Variants in DLG2 observed in about 807,000 individuals in gnomAD.
DLG2 encodes disks large homolog 2.
A neutral mutation model predicts 132.5 loss-of-function variants in DLG2; 45 were observed. That is an observed-to-expected ratio of 0.34 (90% CI 0.27 to 0.44). The LOEUF is 0.44. Among genes scored for constraint, DLG2 ranks in the 20% least tolerant of loss-of-function variants. The probability of loss-of-function intolerance (pLI) is 1.00; values close to 1 mark genes in which losing one functional copy is unlikely to be tolerated. For synonymous variants in DLG2, 424 were observed against 419.6 expected (o/e 1.01, Z -0.13); for missense variants, 1,045 against 1,196.9 (o/e 0.87, Z 1.87).
At chr11:84,919,103 C>G (rs999433709) in intron 6 of DLG2, among the ~76,000 whole-genome samples, 4 of 152,016 alleles carry the variant, frequency 2.6e-5, no homozygotes, top group Non-Finnish European at 5.9e-5. Flanking sequence ...TTTAATTGAG[C>G]CCAATTTCTA....
At chr11:84,691,731 T>G (rs983635130) in intron 6 of DLG2, among the ~76,000 whole-genome samples, 10 of 151,786 alleles carry the variant, frequency 6.6e-5, no homozygotes, top group African/African-American at 2.4e-4. Context: ...TACTTTTAGA[T>G]GTACAGCACT....
At chr11:83,841,282 T>C (rs2154018053) in intron 16 of DLG2, among the ~76,000 whole-genome samples, 1 of 152,312 alleles carries the variant, frequency 6.6e-6, no homozygotes, top group East Asian at 1.9e-4. Flanking sequence ...ACTAGAATGA[T>C]TTGGGGACTC....
intron 6 of DLG2, among the ~76,000 whole-genome samples, chr11:85,039,704 TAA>T (rs35111618): frequency 1.3e-5 from 2 of 151,046 alleles, no homozygotes; most frequent in Admixed American, 1.3e-4. Flanking sequence ...CAAAAATGGA[TAA>T]AAAAAAAGTA....
chr11:83,532,476 C>T (rs550158137), intron 21 of DLG2, among the ~76,000 whole-genome samples: 2 of 152,226 alleles, frequency 1.3e-5, no homozygotes, highest in African/African-American at 4.8e-5. Context: ...TCACCTTCAT[C>T]AACACACTGC....
intron 8 of DLG2, among the ~76,000 whole-genome samples, chr11:84,211,189 A>G (rs533538028): frequency 1.8e-4 from 27 of 152,190 alleles, no homozygotes; most frequent in South Asian, 4.1e-4. Flanking sequence ...TCCTGATTGC[A>G]ATTAAGCCCT....
chr11:84,668,839 C>A (rs558550227), intron 6 of DLG2, among the ~76,000 whole-genome samples: 3 of 151,938 alleles, frequency 2.0e-5, no homozygotes, highest in Non-Finnish European at 4.4e-5. Flanking sequence ...CATTTTCATG[C>A]GAAGAAGACA....
chr11:85,213,724 G>A (rs1232460757), intron 4 of DLG2, among the ~76,000 whole-genome samples: 1 of 152,068 alleles, frequency 6.6e-6, no homozygotes, highest in Non-Finnish European at 1.5e-5. Flanking sequence ...TTGATTTCTA[G>A]GAGATTCTAC....
At chr11:84,706,663 T>C (rs763259170) in intron 6 of DLG2, among the ~76,000 whole-genome samples, 6 of 129,870 alleles carry the variant, frequency 4.6e-5, no homozygotes, top group Non-Finnish European at 9.8e-5. Flanking sequence ...TTGTAACTAG[T>C]AAAACAAGTA....
At chr11:84,230,452 T>G (rs561796163) in intron 8 of DLG2, among the ~76,000 whole-genome samples, 1 of 152,364 alleles carries the variant, frequency 6.6e-6, no homozygotes, top group Admixed American at 6.5e-5. Context: ...AATAAATGTT[T>G]GTAAAAGTAT....
At chr11:83,633,906 C>A (rs2064105374) in intron 18 of DLG2, among the ~76,000 whole-genome samples, 1 of 151,368 alleles carries the variant, frequency 6.6e-6, no homozygotes, top group South Asian at 2.1e-4. Context: ...TTATTTCTTA[C>A]AGCTGCATGT....
chr11:84,891,479 C>T (rs931351900), intron 6 of DLG2, among the ~76,000 whole-genome samples: 2 of 151,986 alleles, frequency 1.3e-5, no homozygotes, highest in African/African-American at 4.8e-5. Context: ...CACATAAGTA[C>T]ACCACAATTT....
rs947159017 is a variant in DLG2 at position 84,572,175 on chromosome 11, G to C, written c.358-37444C>G. Among the ~76,000 whole-genome samples the C allele has an allele frequency of 4.6e-5, 7 of 152,026 alleles. No individual in the cohort carries two copies. In the East Asian group the frequency reaches 1.4e-3, roughly 29 times the overall value. On this transcript the variant is annotated intron_variant, in intron 6 of 27. Transcript: ENST00000376104. ...GTTGGTCTGCTGCACCCATTAACTT[G>C]TCATTTAGCATTAGGTACATCTAGA... is the stretch of plus-strand genomic sequence containing the variant.
chr11:85,085,311 T>C (rs2067774683), intron 6 of DLG2, among the ~76,000 whole-genome samples: 1 of 152,082 alleles, frequency 6.6e-6, no homozygotes, highest in African/African-American at 2.4e-5. Context: ...AAAATTAGTC[T>C]TAGATATATA....
At chr11:84,726,646 G>A (rs2062500786) in intron 6 of DLG2, among the ~76,000 whole-genome samples, 1 of 152,112 alleles carries the variant, frequency 6.6e-6, no homozygotes, top group Admixed American at 6.6e-5. Context: ...AGATTGCTGG[G>A]TCAAACGGTA....
chr11:83,980,105 T>G (rs1466498174), intron 12 of DLG2, among the ~76,000 whole-genome samples: 2 of 152,144 alleles, frequency 1.3e-5, no homozygotes, highest in African/African-American at 4.8e-5. Flanking sequence ...AACCTCCCTG[T>G]GACTGTATTT....
At chr11:84,101,825 G>A (rs544200802) in intron 9 of DLG2, among the ~76,000 whole-genome samples, 1 of 152,118 alleles carries the variant, frequency 6.6e-6, no homozygotes, top group South Asian at 2.1e-4. Flanking sequence ...GCAGAGATTG[G>A]GAGATACCCA....
chr11:85,016,820 G>A lies in DLG2; in HGVS notation c.357+94841C>T, dbSNP rs145061333. Among the ~76,000 whole-genome samples, 9 of 152,154 alleles carry A rather than the reference G, an allele frequency of 5.9e-5. No individual in the cohort carries two copies. In the South Asian group the frequency reaches 1.0e-3, roughly 18 times the overall value. On this transcript the variant is annotated intron_variant, in intron 6 of 27. Coordinates refer to ENST00000376104, the MANE Select transcript of DLG2 (RefSeq NM_001142699.3). The stretch of plus-strand genomic sequence containing the variant: ...TAATAAAATTGAGGTTATTAGGTGT[G>A]TTCTCCCTGCACAGGTACACCACAG...
intron 6 of DLG2, among the ~76,000 whole-genome samples, chr11:84,898,558 C>A (rs199885068): frequency 4.6e-5 from 7 of 151,992 alleles, no homozygotes; most frequent in African/African-American, 1.7e-4. Flanking sequence ...AACCAAATGC[C>A]AAATTTAGAA....
intron 18 of DLG2, among the ~76,000 whole-genome samples, chr11:83,667,741 AGGCCGAGGC>A (rs2075895959): frequency 6.6e-6 from 1 of 152,086 alleles, no homozygotes; most frequent in African/African-American, 2.4e-5. Flanking sequence ...GCACTTTGGG[AGGCCGAGGC>A]GGGCGGATCA....
Sources: allele counts gnomAD v4.1 joint callset (sites outside exome capture counted in the v4.1 genomes callset), GRCh38; gene constraint gnomAD v4.1.1; transcripts MANE v1.5; gene names NCBI Gene and HGNC (gene_info 2026-07-23, HGNC 2026-07-21).